The following DEFB110 variants were observed in gnomAD, a reference collection of about 807,000 sequenced individuals.
DEFB110 encodes beta-defensin 110.
In DEFB110, 4 loss-of-function variants were observed where a neutral mutation model predicts 2.5. The ratio of observed to expected loss-of-function variants is 1.60; its 90% CI spans 0.79 to 3.66. The LOEUF is 3.66. Ranked by LOEUF, DEFB110 falls within the 30% of genes most tolerant of loss-of-function variation. The probability of loss-of-function intolerance (pLI) is 0.01; values close to 1 mark genes in which losing one functional copy is unlikely to be tolerated. For missense variants in DEFB110, 94 were observed against 75.4 expected, an observed-to-expected ratio of 1.25 and a Z score of -0.91; for synonymous variants, 29 against 21.8, an observed-to-expected ratio of 1.33 and a Z score of -0.92.
chr6:50,017,692 T>C (rs924463726), downstream of DEFB110, among the ~76,000 whole-genome samples: 6 of 151,912 alleles, frequency 3.9e-5, no homozygotes, highest in South Asian at 2.1e-4. Flanking sequence ...ACTATGTAAA[T>C]TTTATCTGAG....
chr6:50,019,063 C>G lies in DEFB110; in HGVS notation c.118G>C (p.Gly40Arg). ...TCATGACACTGATTTTTACATTGAC[C>G]ATTACCTATTCTGCACTCTCTCCTC... ...DLRRECRIGN[G>R]QCKNQCHENE... The change falls in exon 2 of 2, where the codon GGT (glycine) becomes CGT (arginine). Residue 40 changes from glycine to arginine, a missense_variant. Coordinates refer to ENST00000371148, the MANE Select transcript of DEFB110 (RefSeq NM_001037497.2). The G allele has an allele frequency of 6.2e-7, 1 of 1,613,202 alleles. No homozygotes were observed. Among genetic ancestry groups the G allele is most frequent in the African/African-American group, 1.3e-5 (1 of 74,958 alleles).
At chr6:50,015,245 A>G (rs1041167075), downstream of DEFB110, among the ~76,000 whole-genome samples, 6 of 151,790 alleles carry the variant, frequency 4.0e-5, no homozygotes, top group Admixed American at 1.3e-4. Flanking sequence ...CTTAGCTTCT[A>G]TAATTTACCA....
At chr6:50,018,632 T>C (rs1400294792), downstream of DEFB110, among the ~76,000 whole-genome samples, 1 of 152,024 alleles carries the variant, frequency 6.6e-6, no homozygotes, top group Non-Finnish European at 1.5e-5. Flanking sequence ...TTTAGAAATA[T>C]GCTTACCCAA....
chr6:50,021,860 C>T, intron 1 of DEFB110, 21 bp downstream of exon 1: 1 of 1,548,618 alleles, frequency 6.5e-7, no homozygotes, highest in African/African-American at 1.4e-5. Context: ...GTATAAATCC[C>T]CACAAATATT....
At chr6:50,014,108 A>G (rs1774276057), downstream of DEFB110, among the ~76,000 whole-genome samples, 1 of 151,948 alleles carries the variant, frequency 6.6e-6, no homozygotes, top group Admixed American at 6.6e-5. Context: ...ATTGGAGGCC[A>G]TTGACATTTA....
At chr6:50,016,212 G>A (rs369193683), downstream of DEFB110, among the ~76,000 whole-genome samples, 28 of 151,834 alleles carry the variant, frequency 1.8e-4, no homozygotes, top group East Asian at 3.3e-3. Flanking sequence ...CCTAGTTCAC[G>A]TGAGAATTTG....
chr6:50,017,183 T>C (rs114519289), downstream of DEFB110, among the ~76,000 whole-genome samples: 641 of 151,988 alleles, frequency 4.2e-3, 6 homozygotes, highest in African/African-American at 0.015. Context: ...AATATATTCA[T>C]TATCCAAAAG....
At chr6:50,018,633 G>A (rs1271567093), downstream of DEFB110, among the ~76,000 whole-genome samples, 1 of 151,936 alleles carries the variant, frequency 6.6e-6, no homozygotes, top group Non-Finnish European at 1.5e-5. Context: ...TTAGAAATAT[G>A]CTTACCCAAT....
At chr6:50,019,214 A>G (rs989568369) in intron 1 of DEFB110, 89 bp from the exon 2 acceptor site, 6 of 1,397,632 alleles carry the variant, frequency 4.3e-6, no homozygotes, top group Admixed American at 2.2e-5. Context: ...GCAAAAGATT[A>G]TAGAGTGAAA....
chr6:50,019,043 A>G lies in DEFB110; in HGVS notation c.138T>C (p.Cys46=). The G allele has an allele frequency of 6.2e-7, 1 of 1,613,184 alleles. No individual in the cohort carries two copies. Among genetic ancestry groups the G allele is most frequent in the South Asian group, 1.1e-5 (1 of 91,044 alleles). Residue 46 remains cysteine (C), a synonymous_variant, in exon 2 of 2, where the codon TGT becomes TGC. Coordinates refer to ENST00000371148, the MANE Select transcript of DEFB110 (RefSeq NM_001037497.2). ...RIGNGQCKNQ[C]HENEIRIAYC... ...AAGCAATCCTAATTTCATTTTCATG[A>G]CACTGATTTTTACATTGACCATTAC...
exon 2 of DEFB110, chr6:50,009,228 T>C: frequency 6.2e-7 from 1 of 1,608,706 alleles, no homozygotes; most frequent in Non-Finnish European, 8.5e-7. Context: ...CTCTCACTTT[T>C]TCGCATCTTT....
chr6:50,011,251 A>G (rs986001459), intron 1 of DEFB110, among the ~76,000 whole-genome samples: 3 of 151,942 alleles, frequency 2.0e-5, no homozygotes, highest in African/African-American at 4.8e-5. Context: ...AATGTCATCC[A>G]TAAGTGCATG....
rs373568675 is a variant in DEFB110, at chr6:50,011,685, ACCT to A, written c.56-2417_56-2415del. 1.6e-4 allele frequency among the ~76,000 whole-genome samples: 25 copies of A among 152,054 alleles called. No individual in the cohort carries two copies. In the East Asian group the frequency reaches 4.5e-3, roughly 27 times the overall value. ...GGAAGTGTCTGGCATATATCTCTCCACCTCCTCACAAATAACATCTCTGAGGGT... is the reference window on the plus strand; with the variant it reads ...GGAAGTGTCTGGCATATATCTCTCCACCTCACAAATAACATCTCTGAGGGT... On this transcript the variant is annotated intron_variant, in intron 1 of 1. Coordinates refer to the DEFB110 transcript ENST00000393660.
intron 1 of DEFB110, among the ~76,000 whole-genome samples, chr6:50,012,185 C>A (rs1774239547): frequency 6.6e-6 from 1 of 151,966 alleles, no homozygotes; most frequent in African/African-American, 2.4e-5. Flanking sequence ...AGCACTGTTA[C>A]TCACTGTTTA....
chr6:50,014,815 A>G (rs187504042), downstream of DEFB110, among the ~76,000 whole-genome samples: 144 of 151,898 alleles, frequency 9.5e-4, 2 homozygotes, highest in Non-Finnish European at 1.5e-3. Context: ...AACTGCATCT[A>G]TGTATTCTAC....
intron 1 of DEFB110, among the ~76,000 whole-genome samples, chr6:50,011,491 A>C (rs2113937171): frequency 6.6e-6 from 1 of 152,200 alleles, no homozygotes; most frequent in East Asian, 1.9e-4. Flanking sequence ...TCTCATCAAG[A>C]GTGAGGTACC....
downstream of DEFB110, among the ~76,000 whole-genome samples, chr6:50,018,578 A>T (rs892080773): frequency 1.3e-5 from 2 of 152,010 alleles, no homozygotes; most frequent in African/African-American, 4.8e-5. Context: ...TCTGTGGAAC[A>T]GTATCTAATA....
In DEFB110 at chr6:50,021,883, G is replaced by A. The variant is rs771539908; in HGVS notation, c.53C>T (p.Pro18Leu). 1.3e-6 allele frequency: 2 copies of A among 1,551,126 alleles called. No homozygotes were observed. The highest frequency in any genetic ancestry group is 1.7e-6 in the Non-Finnish European group (2 of 1,157,284). ...FILHFWVTIL[P>L]AKKKYPEYGS... is the part of the protein sequence containing the mutation. ...CCCCACAAATATTTGCATATTACCT[G>A]GTAAAATTGTGACCCAAAAGTGCAG... is the stretch of plus-strand genomic sequence containing the variant. Residue 18 changes from proline (P) to leucine (L), a missense_variant and splice_region_variant, in exon 1 of 2, where the codon CCA (proline) becomes CTA (leucine). Coordinates refer to ENST00000371148, the MANE Select transcript of DEFB110 (RefSeq NM_001037497.2).
chr6:50,021,814 T>A, intron 1 of DEFB110, 67 bp downstream of exon 1: 1 of 1,418,858 alleles, frequency 7.0e-7, no homozygotes, highest in Non-Finnish European at 9.5e-7. Context: ...TCATATTTTT[T>A]ATCAAGAAAC....
Sources: gnomAD v4.1 joint callset for allele counts (sites outside exome capture counted in the v4.1 genomes callset) on GRCh38, gnomAD v4.1.1 for gene constraint, MANE v1.5 for transcripts, NCBI Gene and HGNC (gene_info 2026-07-23, HGNC 2026-07-21) for gene names.